PHACTR1: variants seen among roughly 807,000 people sequenced by gnomAD.
PHACTR1 encodes phosphatase and actin regulator 1.
PHACTR1 carries 16 observed loss-of-function variants against 69.2 expected under a neutral mutation model. That is an observed-to-expected ratio of 0.23 (90% CI 0.16 to 0.35). PHACTR1 has a LOEUF of 0.35. Among genes scored for constraint, PHACTR1 ranks in the 10% least tolerant of loss-of-function variants. The pLI is 1.00. For synonymous variants in PHACTR1, 312 were observed against 284.5 expected (o/e 1.10, Z -0.97); for missense variants, 510 against 734.7 (o/e 0.69, Z 3.54).
At chr6:12,850,619 G>A (rs964203640) in intron 4 of PHACTR1, among the ~76,000 whole-genome samples, 4 of 152,172 alleles carry the variant, frequency 2.6e-5, no homozygotes, top group Non-Finnish European at 4.4e-5. Context: ...TAAAATCATA[G>A]AAATGTATTG....
At chr6:12,949,969 C>T (rs2127552327) in intron 4 of PHACTR1, among the ~76,000 whole-genome samples, 1 of 152,356 alleles carries the variant, frequency 6.6e-6, no homozygotes, top group African/African-American at 2.4e-5. Flanking sequence ...ATGCTCCAAT[C>T]CTGGGCTGCT....
At chr6:13,190,052 T>A (rs1406936253) in intron 7 of PHACTR1, among the ~76,000 whole-genome samples, 3 of 150,116 alleles carry the variant, frequency 2.0e-5, no homozygotes, top group African/African-American at 4.9e-5. Flanking sequence ...TAAAACAGTT[T>A]CTACTCCGTC....
intron 4 of PHACTR1, among the ~76,000 whole-genome samples, chr6:12,944,207 G>A (rs997932386): frequency 3.3e-5 from 5 of 152,150 alleles, no homozygotes; most frequent in Non-Finnish European, 5.9e-5. Context: ...AATGATCGAG[G>A]GCATGCCATC....
At chr6:13,083,376 C>T (rs1353909203) in intron 5 of PHACTR1, among the ~76,000 whole-genome samples, 6 of 152,090 alleles carry the variant, frequency 3.9e-5, no homozygotes, top group East Asian at 1.9e-4. Context: ...AGTCAGGTAG[C>T]GTGATGTTTC....
intron 4 of PHACTR1, among the ~76,000 whole-genome samples, chr6:12,978,224 A>G (rs564209699): frequency 1.4e-4 from 22 of 152,222 alleles, no homozygotes; most frequent in African/African-American, 4.8e-4. Context: ...TCTGTGTTCA[A>G]AATCTGAATC....
chr6:13,265,617 C>T (rs557221981), intron 10 of PHACTR1, among the ~76,000 whole-genome samples: 2 of 152,258 alleles, frequency 1.3e-5, no homozygotes, highest in South Asian at 2.1e-4. Flanking sequence ...GTTGTTTGAC[C>T]GAGTCTATTG....
At chr6:13,254,858 T>C (rs1356958912) in intron 10 of PHACTR1, among the ~76,000 whole-genome samples, 1 of 152,242 alleles carries the variant, frequency 6.6e-6, no homozygotes. Context: ...TATCTATTTT[T>C]ATATAAAGAC....
intron 6 of PHACTR1, among the ~76,000 whole-genome samples, chr6:13,178,962 G>T (rs946255472): frequency 6.6e-6 from 1 of 152,214 alleles, no homozygotes; most frequent in Non-Finnish European, 1.5e-5. Flanking sequence ...TTGGCTGGGT[G>T]CAGTGGCTCC....
chr6:13,048,899 C>A (rs147846915), intron 4 of PHACTR1, among the ~76,000 whole-genome samples: 170 of 152,306 alleles, frequency 1.1e-3, no homozygotes, highest in Non-Finnish European at 1.9e-3. Context: ...CTTAAGCCTT[C>A]CAATATCATT....
rs550995266 is a variant in PHACTR1 at position 13,114,116 on chromosome 6, C to G, written c.416-46088C>G. Among the ~76,000 whole-genome samples the G allele has an allele frequency of 2.0e-5, 3 of 152,268 alleles. No individual in the cohort carries two copies. In the South Asian group the frequency reaches 6.2e-4, roughly 32 times the overall value. ...TGCTCCTTCATCCGTGGCTTCCCTGCCCCCCATTTCCCAGCCTCCCAGAAG... is the reference window on the plus strand; with the variant it reads ...TGCTCCTTCATCCGTGGCTTCCCTGGCCCCCATTTCCCAGCCTCCCAGAAG... On this transcript the variant is annotated intron_variant, in intron 5 of 14. Transcript: ENST00000332995.
chr6:12,863,019 C>T (rs555547962), intron 4 of PHACTR1, among the ~76,000 whole-genome samples: 2 of 152,320 alleles, frequency 1.3e-5, no homozygotes, highest in Non-Finnish European at 2.9e-5. Context: ...TAGCTTTTCA[C>T]CTTTAGATGG....
intron 3 of PHACTR1, among the ~76,000 whole-genome samples, chr6:12,734,854 G>A (rs1481750346): frequency 6.6e-6 from 1 of 152,168 alleles, no homozygotes; most frequent in Admixed American, 6.5e-5. Flanking sequence ...TTTGCTAATA[G>A]TTCAATCAAA....
chr6:12,824,792 A>G (rs1000236394), intron 4 of PHACTR1, among the ~76,000 whole-genome samples: 1 of 152,058 alleles, frequency 6.6e-6, no homozygotes, highest in Non-Finnish European at 1.5e-5. Context: ...AGTTCTGTCC[A>G]TGTATGTTTC....
At position 12,820,402 on chromosome 6, in the gene PHACTR1, A is replaced by G. The variant is rs182348938; in HGVS notation, c.250+70612A>G. On this transcript the variant is annotated intron_variant, in intron 4 of 14. Coordinates refer to ENST00000332995, the MANE Select transcript of PHACTR1 (RefSeq NM_030948.6). Reference sequence around the variant, plus strand: ...TCACCATGTTAACCAGGATGGTCTCAATCTCCTGACTTCATGATTCGCCCG... The same window carrying G: ...TCACCATGTTAACCAGGATGGTCTCGATCTCCTGACTTCATGATTCGCCCG... Among the ~76,000 whole-genome samples the G allele has an allele frequency of 3.5e-3, 540 of 152,184 alleles. 3 individuals are homozygous for G. Among genetic ancestry groups the G allele is most frequent in the African/African-American group, 0.011 (465 of 41,542 alleles).
intron 4 of PHACTR1, among the ~76,000 whole-genome samples, chr6:12,919,757 T>C (rs8180558): frequency 0.69 from 105,171 of 152,018 alleles, 36,780 homozygotes; most frequent in East Asian, 0.99. Context: ...TGCCTGTAGT[T>C]AGTGTTTTTA....
intron 4 of PHACTR1, among the ~76,000 whole-genome samples, chr6:12,861,673 TTG>T (rs1032991462): frequency 6.6e-6 from 1 of 152,190 alleles, no homozygotes; most frequent in African/African-American, 2.4e-5. Flanking sequence ...TTACAAAAGT[TTG>T]TCTTTTCAGT....
chr6:13,196,886 C>T (rs2113819454), intron 7 of PHACTR1, among the ~76,000 whole-genome samples: 1 of 152,354 alleles, frequency 6.6e-6, no homozygotes, highest in Admixed American at 6.5e-5. Context: ...GATTCACTTT[C>T]CAATCACCTC....
intron 4 of PHACTR1, among the ~76,000 whole-genome samples, chr6:12,762,706 G>A (rs1768163320): frequency 1.3e-5 from 2 of 152,244 alleles, no homozygotes; most frequent in Admixed American, 1.3e-4. Context: ...CAACCAGGCA[G>A]CCTTGACAAC....
intron 3 of PHACTR1, among the ~76,000 whole-genome samples, chr6:12,734,360 C>T (rs1041900559): frequency 6.6e-6 from 1 of 152,138 alleles, no homozygotes; most frequent in Non-Finnish European, 1.5e-5. Context: ...ATAGTCTTAA[C>T]ATAATAAATG....
Sources: gnomAD v4.1 joint callset for allele counts (sites outside exome capture counted in the v4.1 genomes callset) on GRCh38, gnomAD v4.1.1 for gene constraint, MANE v1.5 for transcripts, NCBI Gene and HGNC (gene_info 2026-07-23, HGNC 2026-07-21) for gene names.